HTR2C: variants seen among roughly 807,000 people sequenced by gnomAD.
The protein encoded by HTR2C is 5-hydroxytryptamine receptor 2C, also known as 5-hydroxytryptamine (serotonin) receptor 2C, G protein-coupled.
Under a neutral mutation model 21.0 loss-of-function variants are expected in HTR2C, and 5 were observed. That is an observed-to-expected ratio of 0.24 (90% CI 0.12 to 0.50). The LOEUF (loss-of-function observed/expected upper bound fraction) is 0.50, where lower values mean the gene tolerates loss of function less well. HTR2C is among the 20% of genes least tolerant of loss of function. HTR2C has a pLI of 0.98. For missense variants in HTR2C, 271 were observed against 371.2 expected (o/e 0.73, Z 2.22); for synonymous variants, 150 against 145.3 (o/e 1.03, Z -0.23).
chrX:114,708,109 T>C (rs1393322286), intron 2 of HTR2C, among the ~76,000 whole-genome samples: 1 of 111,533 alleles, frequency 9.0e-6, no homozygotes, highest in East Asian at 2.8e-4. Context: ...ACTATTTTCA[T>C]TACCAATCAT....
intron 4 of HTR2C, among the ~76,000 whole-genome samples, chrX:114,838,993 C>T (rs1342521988): frequency 8.9e-6 from 1 of 112,071 alleles, no homozygotes; most frequent in Non-Finnish European, 1.9e-5. Context: ...AATACAAAAA[C>T]CCTCCACATG....
chrX:114,867,567 A>G (rs1420281688), intron 5 of HTR2C, among the ~76,000 whole-genome samples: 2 of 111,407 alleles, frequency 1.8e-5, no homozygotes, highest in African/African-American at 6.5e-5. Context: ...GGCATTGCTT[A>G]AGAAATCTTT....
At chrX:114,740,265 G>T in intron 4 of HTR2C, among the ~76,000 whole-genome samples, 1 of 109,485 alleles carries the variant, frequency 9.1e-6, no homozygotes, top group Non-Finnish European at 1.9e-5. Flanking sequence ...ATGACACCAT[G>T]ATACCATTTT....
At position 114,908,777 on chromosome X, in the gene HTR2C, G is replaced by A. The variant is rs1356388730; in HGVS notation, c.*1362G>A. 8.9e-6 allele frequency: 1 copy of A among 112,640 alleles called. No individual in the cohort carries two copies. The highest frequency in any genetic ancestry group is 1.9e-5 in the Non-Finnish European group (1 of 53,264). The allele number at this position is 112,640 out of a possible 1,213,427, so 9.3% of individuals were successfully genotyped here. On this transcript the variant is annotated 3_prime_UTR_variant, in exon 6 of 6. Transcript: ENST00000276198. Reference sequence around the variant, plus strand: ...CCTGCTGCTCTCTAAGAATTCAGTAGCATTTTAATAGTTTCTAAACCATGA... The same window carrying A: ...CCTGCTGCTCTCTAAGAATTCAGTAACATTTTAATAGTTTCTAAACCATGA...
At chrX:114,876,491 C>T (rs187696678) in intron 5 of HTR2C, among the ~76,000 whole-genome samples, 36 of 87,841 alleles carry the variant, frequency 4.1e-4, no homozygotes, top group African/African-American at 1.3e-3. Flanking sequence ...AGAAGTGGCA[C>T]GAGTGGGCAC....
At chrX:114,842,545 CTTTATT>C (rs1556465901) in intron 4 of HTR2C, among the ~76,000 whole-genome samples, 2 of 112,070 alleles carry the variant, frequency 1.8e-5, no homozygotes, top group African/African-American at 6.5e-5. Context: ...GGAAAGAAAA[CTTTATT>C]TTTAAGGAAC....
At chrX:114,613,010 C>T (rs974078841) in intron 1 of HTR2C, among the ~76,000 whole-genome samples, 15 of 109,883 alleles carry the variant, frequency 1.4e-4, no homozygotes, top group Admixed American at 1.9e-4. Flanking sequence ...GATCTCGGCT[C>T]ACTGCAACTT....
At chrX:114,730,459 A>G (rs1816762700) in intron 3 of HTR2C, among the ~76,000 whole-genome samples, 1 of 112,371 alleles carries the variant, frequency 8.9e-6, no homozygotes, top group Non-Finnish European at 1.9e-5. Flanking sequence ...CCCACAAAAT[A>G]TAAGACAAGA....
intron 2 of HTR2C, among the ~76,000 whole-genome samples, chrX:114,692,464 G>T (rs1932134623): frequency 9.0e-6 from 1 of 111,324 alleles, no homozygotes; most frequent in Admixed American, 9.6e-5. Context: ...CATATAATTA[G>T]AAGATTTAAG....
At chrX:114,636,354 A>G (rs1183898423) in intron 2 of HTR2C, among the ~76,000 whole-genome samples, 1 of 111,547 alleles carries the variant, frequency 9.0e-6, no homozygotes, top group Admixed American at 9.6e-5. Context: ...AAACATCAGT[A>G]TGGATTATAC....
chrX:114,761,917 ACG>A (rs2069875402), intron 4 of HTR2C, among the ~76,000 whole-genome samples: 2 of 108,306 alleles, frequency 1.8e-5, no homozygotes, highest in African/African-American at 7.0e-5. Flanking sequence ...GTGTATATAT[ACG>A]TGTATATATA....
At chrX:114,730,943 A>T (rs1556423097) in intron 3 of HTR2C, among the ~76,000 whole-genome samples, 1 of 111,641 alleles carries the variant, frequency 9.0e-6, no homozygotes, top group African/African-American at 3.2e-5. Context: ...GGCTTGAAAA[A>T]GTTACTTACC....
intron 5 of HTR2C, among the ~76,000 whole-genome samples, chrX:114,863,957 G>C: frequency 9.0e-6 from 1 of 110,581 alleles, no homozygotes; most frequent in Non-Finnish European, 1.9e-5. Context: ...ATAGCCACCT[G>C]CTCCCTCTTT....
In HTR2C at chrX:114,756,666, G is replaced by A. The variant is rs1273483878; in HGVS notation, c.349+25059G>A. 6.3e-5 allele frequency among the ~76,000 whole-genome samples: 7 copies of A among 111,996 alleles called. No individual in the cohort carries two copies. In the South Asian group the frequency reaches 2.2e-3, roughly 36 times the overall value. ...AGAGACCAGATTAATGCTTTTCAGG[G>A]TTTAAGGATGGGGAGCAGAGAAGGA... On this transcript the variant is annotated intron_variant, in intron 4 of 5. Transcript: ENST00000276198.
intron 4 of HTR2C, among the ~76,000 whole-genome samples, chrX:114,734,668 A>G (rs2069573470): frequency 1.8e-5 from 2 of 109,469 alleles, no homozygotes; most frequent in African/African-American, 3.3e-5. Flanking sequence ...AGACAAATCT[A>G]TACAGACAGA....
chrX:114,841,702 C>CT (rs2070835427), intron 4 of HTR2C, among the ~76,000 whole-genome samples: 1 of 106,595 alleles, frequency 9.4e-6, no homozygotes, highest in Non-Finnish European at 1.9e-5. Flanking sequence ...GATTGCGCCA[C>CT]TGCACTCCAG....
chrX:114,621,174 C>T (rs1929149420), intron 2 of HTR2C, among the ~76,000 whole-genome samples: 1 of 112,409 alleles, frequency 8.9e-6, no homozygotes, highest in Non-Finnish European at 1.9e-5. Context: ...AGCTATGGCA[C>T]CCGGCCTGAG....
chrX:114,830,852 C>G (rs1425100850), intron 4 of HTR2C, among the ~76,000 whole-genome samples: 1 of 61,361 alleles, frequency 1.6e-5, no homozygotes, highest in Non-Finnish European at 3.0e-5. Context: ...CCCCCTCCCC[C>G]CCACCCCACA....
At chrX:114,654,670 C>T (rs909408399) in intron 2 of HTR2C, among the ~76,000 whole-genome samples, 2 of 110,402 alleles carry the variant, frequency 1.8e-5, no homozygotes, top group East Asian at 2.8e-4. Context: ...GACACAATCC[C>T]TCCCTTCAAA....
Sources: allele counts gnomAD v4.1 joint callset (sites outside exome capture counted in the v4.1 genomes callset), GRCh38; gene constraint gnomAD v4.1.1; transcripts MANE v1.5; gene names NCBI Gene and HGNC (gene_info 2026-07-23, HGNC 2026-07-21).